The following PCDHGA8 variants were observed in gnomAD, a reference collection of about 807,000 sequenced individuals.
PCDHGA8 encodes the protein protocadherin gamma subfamily A, 8.
Under a neutral mutation model 59.2 loss-of-function variants are expected in PCDHGA8, and 45 were observed. The ratio of observed to expected loss-of-function variants is 0.76; its 90% CI spans 0.60 to 0.98. PCDHGA8 has a LOEUF of 0.98. Ranked by LOEUF, PCDHGA8 falls within the 50% of genes least tolerant of loss-of-function variation. The pLI is 0.00. For missense variants in PCDHGA8, 1,257 were observed against 1,196.2 expected (o/e 1.05, Z -0.75); for synonymous variants, 531 against 519.0 (o/e 1.02, Z -0.32).
intron 1 of PCDHGA8, among the ~76,000 whole-genome samples, chr5:141,425,694 A>G (rs1006103007): frequency 6.6e-6 from 1 of 152,240 alleles, no homozygotes; most frequent in Non-Finnish European, 1.5e-5. Context: ...ATATCATTTC[A>G]TAGTGGTCAA....
Position 141,491,260 on chromosome 5 carries a change from A to G in PCDHGA8, c.2425-3547A>G. On this transcript the variant is annotated intron_variant, in intron 1 of 3. Coordinates refer to ENST00000398604, the MANE Select transcript of PCDHGA8 (RefSeq NM_032088.2). This position sits in a 1 kb window ranked among gnomAD's most constrained non-coding sequence, Gnocchi z 6.9. ...TCTGGAGGATGAGGACCCTGAGGAA[A>G]TGCCCAAATCCAGTGACTTCCTCAT... 6.2e-7 allele frequency: 1 copy of G among 1,614,108 alleles called. No individual in the cohort carries two copies. The highest frequency in any genetic ancestry group is 1.7e-5 in the Admixed American group (1 of 60,028).
chr5:141,485,426 C>T lies in PCDHGA8; in HGVS notation c.2425-9381C>T. 6.2e-7 allele frequency: 1 copy of T among 1,614,158 alleles called. No individual in the cohort carries two copies. Among genetic ancestry groups the T allele is most frequent in the South Asian group, 1.1e-5 (1 of 91,078 alleles). ...TGTGGATTTGGACAGCGGAGCCCTGCTCATCAAGAACCCAATCGACCGAGA... is the reference window on the plus strand; with the variant it reads ...TGTGGATTTGGACAGCGGAGCCCTGTTCATCAAGAACCCAATCGACCGAGA... On this transcript the variant is annotated intron_variant, in intron 1 of 3. Transcript: ENST00000398604. The surrounding 1 kb of genome is among the most constrained non-coding windows in gnomAD (Gnocchi z 5.7).
intron 1 of PCDHGA8, chr5:141,415,308 C>T: frequency 6.2e-7 from 1 of 1,614,236 alleles, no homozygotes; most frequent in Non-Finnish European, 8.5e-7. Flanking sequence ...TCCTGGCCTT[C>T]GTCATCGTGC....
At chr5:141,419,663 G>T (rs1459319505) in intron 1 of PCDHGA8, 1 of 1,612,710 alleles carries the variant, frequency 6.2e-7, no homozygotes, top group Non-Finnish European at 8.5e-7. Flanking sequence ...GGGGCACAAT[G>T]CCTGGCTGTC....
rs542548063 is a variant in PCDHGA8, at chr5:141,412,999, C to T, written c.2424+17762C>T. On this transcript the variant is annotated intron_variant, in intron 1 of 3. Coordinates refer to ENST00000398604, the MANE Select transcript of PCDHGA8 (RefSeq NM_032088.2). Reference sequence around the variant, plus strand: ...GCAGCCAGAGCTCAATCCGGATTCTCAGGGCTTCAACTACACAAGCCCCAC... The same window carrying T: ...GCAGCCAGAGCTCAATCCGGATTCTTAGGGCTTCAACTACACAAGCCCCAC... 150 of 588,234 alleles carry T rather than the reference C, an allele frequency of 2.6e-4. 1 individual carries two copies. In the South Asian group the frequency reaches 3.6e-3, roughly 14 times the overall value. 36.4% of individuals were successfully genotyped at this position (588,234 alleles called of 1,614,324 possible). A position where few individuals can be genotyped will look rare whatever the true frequency, so the allele number is the denominator to read the frequency against.
At chr5:141,438,631 TATATACACAC>T (rs1330021858) in intron 1 of PCDHGA8, among the ~76,000 whole-genome samples, 2,835 of 42,824 alleles carry the variant, frequency 0.066, 23 homozygotes, top group African/African-American at 0.13. Flanking sequence ...TATATATATA[TATATACACAC>T]ACACACACAC....
intron 1 of PCDHGA8, chr5:141,430,844 A>C: frequency 6.4e-7 from 1 of 1,571,464 alleles, no homozygotes; most frequent in Non-Finnish European, 8.6e-7. Flanking sequence ...GACCGGATGC[A>C]CCCAGATACG....
intron 1 of PCDHGA8, chr5:141,415,868 G>A: frequency 9.2e-7 from 1 of 1,090,360 alleles, no homozygotes; most frequent in Non-Finnish European, 1.2e-6. Flanking sequence ...TTATAGTGTT[G>A]TTGAGTACAA....
intron 1 of PCDHGA8, among the ~76,000 whole-genome samples, chr5:141,458,063 G>A (rs1011861177): frequency 1.3e-5 from 2 of 152,190 alleles, no homozygotes; most frequent in African/African-American, 4.8e-5. Context: ...CTGCACTGAT[G>A]CGAACAACTA....
chr5:141,510,141 T>C (rs1596266322), intron 3 of PCDHGA8, among the ~76,000 whole-genome samples: 1 of 152,014 alleles, frequency 6.6e-6, no homozygotes. Flanking sequence ...GGGCTAGTGG[T>C]GTGCACCTGT....
chr5:141,465,125 G>A (rs1003967387), intron 1 of PCDHGA8, among the ~76,000 whole-genome samples: 1 of 151,194 alleles, frequency 6.6e-6, no homozygotes, highest in Non-Finnish European at 1.5e-5. Context: ...GCCTAAATTT[G>A]TAAAAAGTTT....
At chr5:141,454,320 C>G (rs140074578) in intron 1 of PCDHGA8, among the ~76,000 whole-genome samples, 4 of 152,148 alleles carry the variant, frequency 2.6e-5, no homozygotes, top group Admixed American at 2.6e-4. Context: ...ATTGAAACCT[C>G]CAAGAATAAA....
intron 1 of PCDHGA8, chr5:141,399,859 G>T: frequency 1.2e-6 from 2 of 1,612,844 alleles, no homozygotes; most frequent in Non-Finnish European, 1.7e-6. Context: ...GCCGCGCGCT[G>T]CAGAGCCCGG....
chr5:141,462,818 C>T (rs1280335120), intron 1 of PCDHGA8, among the ~76,000 whole-genome samples: 1 of 152,120 alleles, frequency 6.6e-6, no homozygotes, highest in East Asian at 1.9e-4. Flanking sequence ...TTTTATTGGA[C>T]AGCAGACATT....
At chr5:141,434,553 G>T (rs1203568173) in intron 1 of PCDHGA8, among the ~76,000 whole-genome samples, 1 of 152,202 alleles carries the variant, frequency 6.6e-6, no homozygotes, top group Admixed American at 6.5e-5. Flanking sequence ...AGTGATCTGT[G>T]CCTTAAGGAC....
chr5:141,486,598 C>T lies in PCDHGA8; in HGVS notation c.2425-8209C>T. 2 of 1,613,604 alleles carry T rather than the reference C, an allele frequency of 1.2e-6. No homozygotes were observed. Among genetic ancestry groups the T allele is most frequent in the Non-Finnish European group, 1.7e-6 (2 of 1,179,998 alleles). ...ACAATCGCCCAGGGGACCTGCTTTG[C>T]TCCCTTGCAGCCTCTGACCCAGACT... On this transcript the variant is annotated intron_variant, in intron 1 of 3. Transcript: ENST00000398604. The surrounding 1 kb of genome is among the most constrained non-coding windows in gnomAD (Gnocchi z 5.0).
intron 1 of PCDHGA8, among the ~76,000 whole-genome samples, chr5:141,433,408 A>ATCTATCTATCTATCT (rs1413347413): frequency 7.9e-6 from 1 of 127,280 alleles, no homozygotes; most frequent in African/African-American, 2.9e-5. Flanking sequence ...TCTATCTATT[A>ATCTATCTATCTATCT]CTTTCTTGTA....
intron 1 of PCDHGA8, among the ~76,000 whole-genome samples, chr5:141,406,072 C>CTTT (rs530474569): frequency 7.1e-6 from 1 of 141,484 alleles, no homozygotes. Flanking sequence ...ATTCTTACTC[C>CTTT]TTTTTTTTTT....
rs1276688380 is a variant in PCDHGA8, at chr5:141,393,659, G to GA, written c.850dup (p.Ile284AsnfsTer2). On this transcript the variant is annotated frameshift_variant, in exon 1 of 4. Coordinates refer to ENST00000398604, the MANE Select transcript of PCDHGA8 (RefSeq NM_032088.2). LOFTEE classifies it high-confidence loss of function. The stretch of plus-strand genomic sequence containing the variant: ...ACGGAAAAGTGGCATACAAATTCCG[G>GA]AAAATTAATGAAAAACAAACTCCGT... The GA allele has an allele frequency of 4.3e-6, 7 of 1,613,880 alleles. No homozygotes were observed. The highest frequency in any genetic ancestry group is 1.6e-4 in the Middle Eastern group (1 of 6,062).
Sources: allele counts gnomAD v4.1 joint callset (sites outside exome capture counted in the v4.1 genomes callset), GRCh38; gene constraint gnomAD v4.1.1; non-coding constraint Gnocchi (gnomAD v3.1); transcripts MANE v1.5; gene names NCBI Gene and HGNC (gene_info 2026-07-23, HGNC 2026-07-21).